The following SMCO4 variants were observed in gnomAD, a reference collection of about 807,000 sequenced individuals.
SMCO4 encodes single-pass membrane and coiled-coil domain-containing protein 4.
Under a neutral mutation model 3.6 loss-of-function variants are expected in SMCO4, and 4 were observed. The observed-to-expected ratio is 1.11, with a 90% CI of 0.54 to 2.53. The LOEUF (loss-of-function observed/expected upper bound fraction) is 2.53. SMCO4 is among the 30% of genes most tolerant of loss of function. The pLI is 0.02. For synonymous variants in SMCO4, 36 were observed against 35.3 expected (o/e 1.02, Z -0.07); for missense variants, 70 against 80.8 (o/e 0.87, Z 0.51).
In SMCO4 at chr11:93,534,204, A is replaced by T. The variant is rs913430537; in HGVS notation, c.-154+9072T>A. Reference sequence around the variant, plus strand: ...AGACTCCGTCTCAAAAAAAAAAAAAAAATATATATATACACACACACACAC... The same window carrying T: ...AGACTCCGTCTCAAAAAAAAAAAAATAATATATATATACACACACACACAC... On this transcript the variant is annotated intron_variant, in intron 1 of 2. Coordinates refer to ENST00000298966, the MANE Select transcript of SMCO4 (RefSeq NM_020179.3). 2.3e-4 allele frequency among the ~76,000 whole-genome samples: 25 copies of T among 110,612 alleles called. No homozygotes were observed. The East Asian group carries it at 5.1e-3, about 22-fold the overall frequency. 72.6% of individuals were successfully genotyped at this position (110,612 alleles called of 152,430 possible).
chr11:93,537,129 AAG>A (rs1371419104), intron 1 of SMCO4, among the ~76,000 whole-genome samples: 1 of 152,250 alleles, frequency 6.6e-6, no homozygotes, highest in African/African-American at 2.4e-5. Flanking sequence ...AACCGGAATC[AAG>A]AGAGAATTCC....
intron 1 of SMCO4, among the ~76,000 whole-genome samples, chr11:93,532,519 G>C (rs1414113968): frequency 6.6e-6 from 1 of 152,196 alleles, no homozygotes; most frequent in Non-Finnish European, 1.5e-5. Context: ...CCAGCCTGCA[G>C]ACACCCTGTC....
Position 93,528,603 on chromosome 11 carries a change from C to T in SMCO4, c.-154+14673G>A, listed in dbSNP as rs533565209. On this transcript the variant is annotated intron_variant, in intron 1 of 2. Transcript: ENST00000298966. ...AAGTTCATGTTCCCTGTGCCTAAAC[C>T]GGCTCTACCTTCCAGGAGCTCGCAC... Among the ~76,000 whole-genome samples the T allele has an allele frequency of 6.6e-5, 10 of 151,540 alleles. No homozygotes were observed. The East Asian group carries it at 1.4e-3, about 21-fold the overall frequency.
At chr11:93,496,571 C>T (rs1948774989) in intron 2 of SMCO4, among the ~76,000 whole-genome samples, 1 of 152,028 alleles carries the variant, frequency 6.6e-6, no homozygotes, top group Non-Finnish European at 1.5e-5. Context: ...TGGGGCCAGC[C>T]TCAGAGGTGA....
At chr11:93,493,371 G>T (rs1004615002) in intron 2 of SMCO4, among the ~76,000 whole-genome samples, 1 of 152,014 alleles carries the variant, frequency 6.6e-6, no homozygotes, top group Non-Finnish European at 1.5e-5. Flanking sequence ...CCTTCCCCAC[G>T]CTGCCCCCAC....
chr11:93,552,442 G>GTTATGATTATTA, the SMCO4 span, among the ~76,000 whole-genome samples: 1 of 130,246 alleles, frequency 7.7e-6, no homozygotes, highest in African/African-American at 2.9e-5. Context: ...GCCCAGCCAC[G>GTTATGATTATTA]TTATTATTAT....
intron 2 of SMCO4, among the ~76,000 whole-genome samples, chr11:93,486,272 T>C (rs1486766794): frequency 6.6e-6 from 1 of 152,178 alleles, no homozygotes; most frequent in East Asian, 1.9e-4. Context: ...ATCAAGCTCT[T>C]TCTGGCTCAG....
the SMCO4 span, among the ~76,000 whole-genome samples, chr11:93,552,210 G>A: frequency 9.0e-5 from 12 of 133,494 alleles, no homozygotes; most frequent in South Asian, 2.8e-3. Flanking sequence ...AGGCTGAAGT[G>A]CAGTGGCACA....
intron 1 of SMCO4, among the ~76,000 whole-genome samples, chr11:93,518,991 C>T (rs916120946): frequency 2.6e-5 from 4 of 152,342 alleles, no homozygotes; most frequent in African/African-American, 9.6e-5. Flanking sequence ...AATGACAGCA[C>T]TCTTTTAAAA....
At chr11:93,553,427 T>C in the SMCO4 span, among the ~76,000 whole-genome samples, 2 of 152,200 alleles carry the variant, frequency 1.3e-5, no homozygotes, top group African/African-American at 4.8e-5. Flanking sequence ...AAAAATTATA[T>C]CTTTGTTTGT....
At chr11:93,489,013 A>G (rs2608278) in intron 2 of SMCO4, among the ~76,000 whole-genome samples, 104,867 of 152,008 alleles carry the variant, frequency 0.69, 36,662 homozygotes, top group East Asian at 0.99. Flanking sequence ...GAGCAGTTTC[A>G]GTGAAGAGGG....
At chr11:93,552,523 G>A in the SMCO4 span, among the ~76,000 whole-genome samples, 2 of 150,704 alleles carry the variant, frequency 1.3e-5, no homozygotes, top group African/African-American at 2.4e-5. Context: ...CCAGGCTGTA[G>A]TACAATGGCG....
intron 2 of SMCO4, among the ~76,000 whole-genome samples, chr11:93,494,047 C>A (rs931734297): frequency 5.7e-4 from 86 of 152,156 alleles, no homozygotes; most frequent in African/African-American, 2.1e-3. Flanking sequence ...TCTGCCTTCA[C>A]CTTACTGCTT....
In SMCO4 at chr11:93,527,698, T is replaced by G. The variant is rs193017291; in HGVS notation, c.-154+15578A>C. Among the ~76,000 whole-genome samples, 123 of 152,274 alleles carry G rather than the reference T, an allele frequency of 8.1e-4. 1 individual carries two copies. The highest frequency in any genetic ancestry group is 6.8e-3 in the Middle Eastern group (2 of 294). ...CTGGTCTCCAACTCCTAGGCTCAAG[T>G]GATCCTCCTGCCTCAGTCTCCCAAA... On this transcript the variant is annotated intron_variant, in intron 1 of 2. Coordinates refer to ENST00000298966, the MANE Select transcript of SMCO4 (RefSeq NM_020179.3).
At chr11:93,506,832 C>T (rs1231150627) in intron 1 of SMCO4, among the ~76,000 whole-genome samples, 1 of 152,144 alleles carries the variant, frequency 6.6e-6, no homozygotes, top group East Asian at 1.9e-4. Flanking sequence ...TCCCATGTAA[C>T]AAAATGTTAA....
intron 1 of SMCO4, among the ~76,000 whole-genome samples, chr11:93,525,561 C>A (rs1325462289): frequency 6.6e-6 from 1 of 152,054 alleles, no homozygotes; most frequent in Non-Finnish European, 1.5e-5. Context: ...TGAAGCCCAC[C>A]CACTCCTGGC....
chr11:93,495,651 T>A (rs1002984165), intron 2 of SMCO4, among the ~76,000 whole-genome samples: 4 of 152,206 alleles, frequency 2.6e-5, no homozygotes, highest in Non-Finnish European at 4.4e-5. Flanking sequence ...GTTGCACATT[T>A]TTATGTCAAA....
chr11:93,486,246 T>C (rs554748439), intron 2 of SMCO4, among the ~76,000 whole-genome samples: 5 of 152,310 alleles, frequency 3.3e-5, no homozygotes, highest in African/African-American at 9.6e-5. Context: ...AAGTCAATAG[T>C]GCAGCTGGGA....
chr11:93,499,962 A>G (rs889522527), intron 1 of SMCO4, among the ~76,000 whole-genome samples: 1 of 152,212 alleles, frequency 6.6e-6, no homozygotes, highest in Non-Finnish European at 1.5e-5. Context: ...TTGGAAGCCC[A>G]GATACTGGGG....
Sources: allele counts gnomAD v4.1 joint callset (sites outside exome capture counted in the v4.1 genomes callset), GRCh38; gene constraint gnomAD v4.1.1; transcripts MANE v1.5; gene names NCBI Gene and HGNC (gene_info 2026-07-23, HGNC 2026-07-21).